FARP1: variants seen among roughly 807,000 people sequenced by gnomAD.
The protein encoded by FARP1 is FERM, ARHGEF and pleckstrin domain-containing protein 1.
Under a neutral mutation model 128.8 loss-of-function variants are expected in FARP1, and 52 were observed. The ratio of observed to expected loss-of-function variants is 0.40; its 90% CI spans 0.32 to 0.51. The LOEUF (loss-of-function observed/expected upper bound fraction) is 0.51. Among genes scored for constraint, FARP1 ranks in the 20% least tolerant of loss-of-function variants. FARP1 has a pLI of 0.45. For missense variants in FARP1, 1,333 were observed against 1,367.9 expected (o/e 0.97, Z 0.40); for synonymous variants, 580 against 551.8 (o/e 1.05, Z -0.72).
chr13:98,404,785 T>C (rs1890912343), intron 13 of FARP1: 1 of 152,204 alleles, frequency 6.6e-6, no homozygotes, highest in Non-Finnish European at 1.5e-5. Flanking sequence ...TTTTTTATAA[T>C]TGCACTTTAA....
chr13:98,395,690 G>A (rs930413916), intron 13 of FARP1: 13 of 559,196 alleles, frequency 2.3e-5, no homozygotes, highest in African/African-American at 1.7e-4. Context: ...GAGGCTGGGC[G>A]TAGGGCTTCC....
At chr13:98,264,107 A>G (rs1177473506) in intron 2 of FARP1, among the ~76,000 whole-genome samples, 1 of 152,126 alleles carries the variant, frequency 6.6e-6, no homozygotes, top group Non-Finnish European at 1.5e-5. Flanking sequence ...TGGGTCATCT[A>G]CCTCTGCCCT....
intron 2 of FARP1, among the ~76,000 whole-genome samples, chr13:98,224,017 A>T (rs750426631): frequency 6.6e-6 from 1 of 152,214 alleles, no homozygotes; most frequent in African/African-American, 2.4e-5. Flanking sequence ...TCCAGTGGCC[A>T]TTTGTCAGTG....
At chr13:98,350,708 T>C (rs555859628) in intron 3 of FARP1, among the ~76,000 whole-genome samples, 1 of 152,176 alleles carries the variant, frequency 6.6e-6, no homozygotes, top group East Asian at 1.9e-4. Flanking sequence ...CTTTTTAATT[T>C]TCTGTACTCT....
At chr13:98,416,881 G>A (rs2140132885) in intron 16 of FARP1, among the ~76,000 whole-genome samples, 1 of 152,334 alleles carries the variant, frequency 6.6e-6, no homozygotes, top group South Asian at 2.1e-4. Context: ...GTACAAAGAG[G>A]CCCTCGGAAT....
At chr13:98,287,397 T>C (rs1885234135) in intron 2 of FARP1, among the ~76,000 whole-genome samples, 1 of 151,298 alleles carries the variant, frequency 6.6e-6, no homozygotes, top group Non-Finnish European at 1.5e-5. Flanking sequence ...ACCTGGCTAA[T>C]TTTTTGTATT....
At chr13:98,174,006 C>T (rs2139173040) in intron 1 of FARP1, among the ~76,000 whole-genome samples, 1 of 152,298 alleles carries the variant, frequency 6.6e-6, no homozygotes, top group Middle Eastern at 3.4e-3. Context: ...GGAATGTGTG[C>T]ACTCCCTGCA....
chr13:98,312,853 C>T (rs964673992), intron 2 of FARP1, among the ~76,000 whole-genome samples: 2 of 152,060 alleles, frequency 1.3e-5, no homozygotes, highest in African/African-American at 2.4e-5. Context: ...CTGGCTTACC[C>T]GAGGTCTTTA....
intron 2 of FARP1, among the ~76,000 whole-genome samples, chr13:98,232,323 A>G (rs1454454602): frequency 6.6e-6 from 1 of 152,170 alleles, no homozygotes; most frequent in East Asian, 1.9e-4. Flanking sequence ...GATTTCTGTC[A>G]GAAGTAGTTT....
At chr13:98,442,635 T>C (rs979956484) in intron 24 of FARP1, among the ~76,000 whole-genome samples, 2 of 152,124 alleles carry the variant, frequency 1.3e-5, no homozygotes, top group Non-Finnish European at 2.9e-5. Context: ...ACCAGGCCTG[T>C]GCGCAAAGCT....
At chr13:98,379,678 C>T (rs1004988189) in intron 6 of FARP1, among the ~76,000 whole-genome samples, 5 of 152,104 alleles carry the variant, frequency 3.3e-5, no homozygotes, top group African/African-American at 1.2e-4. Flanking sequence ...TGCATATAAC[C>T]TACATATATC....
intron 16 of FARP1, among the ~76,000 whole-genome samples, chr13:98,412,610 A>C (rs1891233969): frequency 1.3e-5 from 2 of 152,286 alleles, no homozygotes; most frequent in African/African-American, 4.8e-5. Flanking sequence ...AAATGACCTA[A>C]GTGTCCATCA....
intron 1 of FARP1, among the ~76,000 whole-genome samples, chr13:98,211,921 G>A (rs1249727900): frequency 2.6e-5 from 4 of 152,216 alleles, no homozygotes. Flanking sequence ...AAGGACATTC[G>A]AGATTGGGTT....
In FARP1 at chr13:98,241,608, C is replaced by T. The variant is rs918466061; in HGVS notation, c.171+28195C>T. On this transcript the variant is annotated intron_variant, in intron 2 of 26. Coordinates refer to ENST00000319562, the MANE Select transcript of FARP1 (RefSeq NM_005766.4). ...CAGCCTGGGCAATATAGTGAGATGT[C>T]GTCTCTACAAAAAACTTTAAAAACT... Among the ~76,000 whole-genome samples, 11 of 152,002 alleles carry T rather than the reference C, an allele frequency of 7.2e-5. No homozygotes were observed. In the East Asian group the frequency reaches 7.7e-4, roughly 11 times the overall value.
rs754656841 is a variant in FARP1 at position 98,446,646 on chromosome 13, G to T, written c.2905-20G>T. 1.2e-6 allele frequency: 2 copies of T among 1,612,938 alleles called. No homozygotes were observed. The highest frequency in any genetic ancestry group is 1.7e-6 in the Non-Finnish European group (2 of 1,179,092). ...GAAGCTGACCCCGAAAAGCCACTTT[G>T]CTTTGTTTCCCCTTTCCAGGACAAT... On this transcript the variant is annotated intron_variant, in intron 25 of 26. Transcript: ENST00000319562.
At chr13:98,394,415 A>G (rs1890432113) in intron 12 of FARP1, among the ~76,000 whole-genome samples, 1 of 152,246 alleles carries the variant, frequency 6.6e-6, no homozygotes, top group Non-Finnish European at 1.5e-5. Flanking sequence ...GACTGTGTCA[A>G]CTTGCCTTCA....
chr13:98,353,455 T>C (rs1888517369), intron 3 of FARP1, among the ~76,000 whole-genome samples: 1 of 152,216 alleles, frequency 6.6e-6, no homozygotes, highest in Non-Finnish European at 1.5e-5. Flanking sequence ...CTCGGCTCAC[T>C]GCAACCTCCG....
At chr13:98,224,866 T>G (rs943982964) in intron 2 of FARP1, among the ~76,000 whole-genome samples, 1 of 152,212 alleles carries the variant, frequency 6.6e-6, no homozygotes, top group Non-Finnish European at 1.5e-5. Context: ...TCAGGCTCTC[T>G]TCCTCTGCCT....
intron 16 of FARP1, among the ~76,000 whole-genome samples, chr13:98,418,058 T>A (rs1174727697): frequency 6.6e-6 from 1 of 152,154 alleles, no homozygotes; most frequent in Non-Finnish European, 1.5e-5. Flanking sequence ...ATGTTTTTAT[T>A]AGTTTTTTAG....
Sources: gnomAD v4.1 joint callset for allele counts (sites outside exome capture counted in the v4.1 genomes callset) on GRCh38, gnomAD v4.1.1 for gene constraint, MANE v1.5 for transcripts, NCBI Gene and HGNC (gene_info 2026-07-23, HGNC 2026-07-21) for gene names.